The following NFIX variants were observed in gnomAD, a reference collection of about 807,000 sequenced individuals.
The protein encoded by NFIX is nuclear factor 1 X-type.
Under a neutral mutation model 53.3 loss-of-function variants are expected in NFIX, and 2 were observed. That is an observed-to-expected ratio of 0.04 (90% confidence interval 0.02 to 0.12). The LOEUF (loss-of-function observed/expected upper bound fraction) is 0.12, where lower values mean the gene tolerates loss of function less well. NFIX is among the 10% of genes least tolerant of loss of function. The pLI is 1.00. For synonymous variants in NFIX, 244 were observed against 289.0 expected, an observed-to-expected ratio of 0.84 and a Z score of 1.58; for missense variants, 310 against 674.5, an observed-to-expected ratio of 0.46 and a Z score of 5.99.
At chr19:13,016,875 C>T (rs775562913) in intron 1 of NFIX, among the ~76,000 whole-genome samples, 13 of 152,136 alleles carry the variant, frequency 8.5e-5, no homozygotes, top group East Asian at 1.9e-4. Context: ...CTGACAGCTT[C>T]GCCCTCCATG....
rs1353567028 is a variant in NFIX at position 13,043,817 on chromosome 19, T to TA, written c.559+18266dup. ...ATCTGTGTGCCTGAATATGCATGCT[T>TA]ATTCATCTCGAAAACTGGGCCGTAG... On this transcript the variant is annotated intron_variant, in intron 2 of 10. Coordinates refer to ENST00000592199, the MANE Select transcript of NFIX (RefSeq NM_001365902.3). This position sits in a 1 kb window ranked among gnomAD's most constrained non-coding sequence, Gnocchi z 4.0. Among the ~76,000 whole-genome samples the TA allele has an allele frequency of 1.3e-5, 2 of 152,124 alleles. No individual in the cohort carries two copies. Among genetic ancestry groups the TA allele is most frequent in the African/African-American group, 4.8e-5 (2 of 41,440 alleles).
intron 8 of NFIX, chr19:13,082,247 A>C (rs1209855891): frequency 4.5e-6 from 1 of 223,738 alleles, no homozygotes; most frequent in Non-Finnish European, 8.9e-6. Flanking sequence ...GGGTTTCCCC[A>C]GTATCAGCAC....
rs987687562 is a variant in NFIX, at chr19:13,097,116, A to C, written c.*2467A>C. ...TCGCGGCTCTGGGGACGCTAAAAGA[A>C]CCGGGCCTGCCCCGCCCTGCGCGGG... On this transcript the variant is annotated 3_prime_UTR_variant, in exon 11 of 11. Transcript: ENST00000592199. 6.6e-5 allele frequency: 10 copies of C among 151,038 alleles called. No homozygotes were observed. The highest frequency in any genetic ancestry group is 2.4e-4 in the African/African-American group (10 of 41,190). 9.4% of individuals were successfully genotyped at this position (151,038 alleles called of 1,614,324 possible).
intron 1 of NFIX, among the ~76,000 whole-genome samples, chr19:13,004,470 G>T (rs1017813280): frequency 6.6e-6 from 1 of 152,104 alleles, no homozygotes; most frequent in Non-Finnish European, 1.5e-5. Flanking sequence ...ACACAGGGAC[G>T]AGAGCCACAC....
At chr19:13,020,916 G>A (rs2012930356) in intron 1 of NFIX, among the ~76,000 whole-genome samples, 1 of 152,076 alleles carries the variant, frequency 6.6e-6, no homozygotes, top group South Asian at 2.1e-4. Flanking sequence ...ACCAGATTCA[G>A]ATTCAACCCA....
chr19:13,032,218 CT>C (rs1400932050), intron 2 of NFIX, among the ~76,000 whole-genome samples: 3 of 152,200 alleles, frequency 2.0e-5, no homozygotes, highest in Non-Finnish European at 4.4e-5. Context: ...CTCCCTGGAA[CT>C]CCTTTCTGAG....
At chr19:13,086,237 C>A (rs546056180) in intron 8 of NFIX, among the ~76,000 whole-genome samples, 10 of 152,280 alleles carry the variant, frequency 6.6e-5, no homozygotes, top group East Asian at 3.9e-4. Flanking sequence ...GAATGCCCAA[C>A]TGAGGAGATT....
rs2016557447 is a variant in NFIX at position 13,068,285 on chromosome 19, T to G, written c.560-4762T>G. ...GCAAACAGCAGAAGGAAGAGGGGGG[T>G]GCTGAAGAGGTGAGGGGGAGGCAAA... On this transcript the variant is annotated intron_variant, in intron 2 of 10. Transcript: ENST00000592199. This position sits in a 1 kb window ranked among gnomAD's most constrained non-coding sequence, Gnocchi z 4.2. Among the ~76,000 whole-genome samples, 3 of 147,430 alleles carry G rather than the reference T, an allele frequency of 2.0e-5. No homozygotes were observed. The highest frequency in any genetic ancestry group is 2.2e-4 in the South Asian group (1 of 4,604).
chr19:13,009,502 C>T lies in NFIX; in HGVS notation c.27+13638C>T, dbSNP rs1233454796. Among the ~76,000 whole-genome samples, 2 of 152,232 alleles carry T rather than the reference C, an allele frequency of 1.3e-5. No homozygotes were observed. Among genetic ancestry groups the T allele is most frequent in the African/African-American group, 4.8e-5 (2 of 41,462 alleles). On this transcript the variant is annotated intron_variant, in intron 1 of 10. Transcript: ENST00000592199. This position sits in a 1 kb window ranked among gnomAD's most constrained non-coding sequence, Gnocchi z 4.7. ...AGTGAGCAAGACTTAAACAGGTTCA[C>T]TCCAGCTTTTCATCCCCCTTCTGGC...
intron 1 of NFIX, among the ~76,000 whole-genome samples, chr19:13,004,286 A>G (rs2011890120): frequency 6.6e-6 from 1 of 152,044 alleles, no homozygotes. Context: ...CTTGACACTC[A>G]TTACACATGC....
rs1461404390 is a variant in NFIX at position 12,998,283 on chromosome 19, C to T, written c.27+2419C>T. Among the ~76,000 whole-genome samples, 3 of 150,994 alleles carry T rather than the reference C, an allele frequency of 2.0e-5. No individual in the cohort carries two copies. Among genetic ancestry groups the T allele is most frequent in the East Asian group, 1.9e-4 (1 of 5,154 alleles). On this transcript the variant is annotated intron_variant, in intron 1 of 10. Transcript: ENST00000592199. The surrounding 1 kb of genome is among the most constrained non-coding windows in gnomAD (Gnocchi z 4.4). ...CTCCCCCCTCCACTGGCGTCTCGGA[C>T]TCTCTCTCTCTCTGTCTCTCTGGCC...
At position 13,043,131 on chromosome 19, in the gene NFIX, G is replaced by C. The variant is rs568449134; in HGVS notation, c.559+17579G>C. The stretch of plus-strand genomic sequence containing the variant: ...TGTCCCGTTCCTGTATTTATTCTCT[G>C]CATCAGCTCACACATTCCTTGATGG... On this transcript the variant is annotated intron_variant, in intron 2 of 10. Transcript: ENST00000592199. This position sits in a 1 kb window ranked among gnomAD's most constrained non-coding sequence, Gnocchi z 4.0. 6.6e-6 allele frequency among the ~76,000 whole-genome samples: 1 copy of C among 152,280 alleles called. No homozygotes were observed. Among genetic ancestry groups the C allele is most frequent in the South Asian group, 2.1e-4 (1 of 4,824 alleles).
Position 13,025,850 on chromosome 19 carries a change from C to T in NFIX, c.559+298C>T, listed in dbSNP as rs1376488976. 1.3e-5 allele frequency among the ~76,000 whole-genome samples: 2 copies of T among 152,162 alleles called. No homozygotes were observed. Among genetic ancestry groups the T allele is most frequent in the Admixed American group, 1.3e-4 (2 of 15,284 alleles). On this transcript the variant is annotated intron_variant, in intron 2 of 10. Transcript: ENST00000592199. This position sits in a 1 kb window ranked among gnomAD's most constrained non-coding sequence, Gnocchi z 7.5. ...ATGCTGCAGGTCTTAGGATTGGGGA[C>T]ATGATGCCCCCAGAATTATCCATGA...
At position 13,043,058 on chromosome 19, in the gene NFIX, C is replaced by A. The variant is rs191495601; in HGVS notation, c.559+17506C>A. 2.0e-4 allele frequency among the ~76,000 whole-genome samples: 31 copies of A among 152,298 alleles called. No homozygotes were observed. Among genetic ancestry groups the A allele is most frequent in the African/African-American group, 7.0e-4 (29 of 41,542 alleles). ...TGTACATTGCACATACATGTCATGT[C>A]AGGATGCACTTTTACAAGTCAAGTC... On this transcript the variant is annotated intron_variant, in intron 2 of 10. Coordinates refer to ENST00000592199, the MANE Select transcript of NFIX (RefSeq NM_001365902.3). This position sits in a 1 kb window ranked among gnomAD's most constrained non-coding sequence, Gnocchi z 4.0.
intron 2 of NFIX, among the ~76,000 whole-genome samples, chr19:13,057,532 C>A (rs577868470): frequency 3.9e-5 from 6 of 152,238 alleles, no homozygotes; most frequent in Admixed American, 3.9e-4. Flanking sequence ...GCCTCGGCTC[C>A]CCAGGGCCCC....
At chr19:13,008,015 G>GGACAGCCT (rs2012123184) in intron 1 of NFIX, among the ~76,000 whole-genome samples, 1 of 152,162 alleles carries the variant, frequency 6.6e-6, no homozygotes, top group Non-Finnish European at 1.5e-5. Flanking sequence ...TACAGCTGCA[G>GGACAGCCT]GACAGCCTTG....
rs1249668057 is a variant in NFIX at position 13,067,252 on chromosome 19, G to T, written c.560-5795G>T. On this transcript the variant is annotated intron_variant, in intron 2 of 10. Transcript: ENST00000592199. The surrounding 1 kb of genome is among the most constrained non-coding windows in gnomAD (Gnocchi z 4.2). ...GCTGCCCAGAGGCACCCCCAGAACA[G>T]AATGTACCCCCACTTGCTTCTGGAA... 6.6e-6 allele frequency among the ~76,000 whole-genome samples: 1 copy of T among 152,224 alleles called. No individual in the cohort carries two copies. Among genetic ancestry groups the T allele is most frequent in the Non-Finnish European group, 1.5e-5 (1 of 68,026 alleles).
rs2018445529 is a variant in NFIX at position 13,096,219 on chromosome 19, C to G, written c.*1570C>G. On this transcript the variant is annotated 3_prime_UTR_variant, in exon 11 of 11. Transcript: ENST00000592199. ...TCCTTGTGCCTCTCTCTTTCTCTCT[C>G]TTTCTTAATTGTATGAAAACACAAA... 6.5e-6 allele frequency: 1 copy of G among 152,866 alleles called. No individual in the cohort carries two copies. The allele number at this position is 152,866 out of a possible 1,614,324, so 9.5% of individuals were successfully genotyped here. A position where few individuals can be genotyped will look rare whatever the true frequency, so the allele number is the denominator to read the frequency against.
chr19:13,024,953 C>G, intron 1 of NFIX, 68 bp from the exon 2 acceptor site: 1 of 1,543,466 alleles, frequency 6.5e-7, no homozygotes, highest in Non-Finnish European at 8.8e-7. Context: ...TCTCTCTTTC[C>G]CCCTCATCCC....
Sources: gnomAD v4.1 joint callset for allele counts (sites outside exome capture counted in the v4.1 genomes callset) on GRCh38, gnomAD v4.1.1 for gene constraint, Gnocchi (gnomAD v3.1) non-coding constraint, MANE v1.5 for transcripts, NCBI Gene and HGNC (gene_info 2026-07-23, HGNC 2026-07-21) for gene names.